Variants in SYNDIG1 observed in about 807,000 individuals in gnomAD.
SYNDIG1 encodes synapse differentiation inducing 1, also known as synapse differentiation-inducing gene protein 1.
In SYNDIG1, 9 loss-of-function variants were observed where a neutral mutation model predicts 19.4. That is an observed-to-expected ratio of 0.46 (90% CI 0.28 to 0.81). The LOEUF (loss-of-function observed/expected upper bound fraction) is 0.81. SYNDIG1 is among the 30% of genes least tolerant of loss of function. The pLI, the probability that SYNDIG1 is intolerant of heterozygous loss-of-function variation, is 0.12. For missense variants in SYNDIG1, 311 were observed against 343.3 expected, an observed-to-expected ratio of 0.91 and a Z score of 0.74; for synonymous variants, 141 against 145.9, an observed-to-expected ratio of 0.97 and a Z score of 0.24.
At chr20:24,526,368 G>A (rs1280415979) in intron 1 of SYNDIG1, among the ~76,000 whole-genome samples, 1 of 151,748 alleles carries the variant, frequency 6.6e-6, no homozygotes, top group African/African-American at 2.4e-5. Context: ...CTCTCCCCTG[G>A]TTTAGAATGA....
intron 3 of SYNDIG1, among the ~76,000 whole-genome samples, chr20:24,626,077 G>A: frequency 6.6e-6 from 1 of 151,766 alleles, no homozygotes; most frequent in East Asian, 2.0e-4. Flanking sequence ...CAGGGTGGCT[G>A]GCTGGGCAGA....
intron 3 of SYNDIG1, among the ~76,000 whole-genome samples, chr20:24,627,353 C>T (rs770561013): frequency 6.6e-6 from 1 of 152,176 alleles, no homozygotes; most frequent in Admixed American, 6.5e-5. Context: ...AACAGTGGTT[C>T]TCAGTCTTAT....
At chr20:24,573,334 G>T (rs1185034400) in intron 2 of SYNDIG1, among the ~76,000 whole-genome samples, 1 of 152,088 alleles carries the variant, frequency 6.6e-6, no homozygotes, top group East Asian at 1.9e-4. Flanking sequence ...GTTCAGGCAG[G>T]GAGAAGTGGT....
At chr20:24,566,956 C>T (rs770757754) in intron 2 of SYNDIG1, among the ~76,000 whole-genome samples, 4 of 152,278 alleles carry the variant, frequency 2.6e-5, no homozygotes, top group South Asian at 2.1e-4. Context: ...AGAGGAGGCA[C>T]GAGACTGACC....
Position 24,508,218 on chromosome 20 carries a change from A to ATTTTTTTTTTT in SYNDIG1, c.-78-34784_-78-34774dup, listed in dbSNP as rs34436263. 2.7e-4 allele frequency among the ~76,000 whole-genome samples: 20 copies of ATTTTTTTTTTT among 73,238 alleles called. 4 individuals are homozygous for ATTTTTTTTTTT. The highest frequency in any genetic ancestry group is 5.4e-4 in the African/African-American group (9 of 16,528). 48.0% of individuals were successfully genotyped at this position (73,238 alleles called of 152,430 possible). ...TGGAAAATTAAAATTAAGGAGGATA[A>ATTTTTTTTTTT]TTTTTTTTTTTTTTTTTTTTTTTTT... On this transcript the variant is annotated intron_variant, in intron 1 of 3. Transcript: ENST00000376862.
intron 1 of SYNDIG1, among the ~76,000 whole-genome samples, chr20:24,536,273 G>A (rs1036319529): frequency 6.6e-6 from 1 of 152,184 alleles, no homozygotes; most frequent in Non-Finnish European, 1.5e-5. Flanking sequence ...AATTACCGGG[G>A]AGCCACATTC....
intron 2 of SYNDIG1, among the ~76,000 whole-genome samples, chr20:24,580,274 G>A (rs1045643710): frequency 4.6e-5 from 7 of 152,100 alleles, no homozygotes; most frequent in Non-Finnish European, 8.8e-5. Context: ...GGCCAGCCTC[G>A]TCTCCTCTCC....
chr20:24,639,962 C>A (rs1392226431), intron 3 of SYNDIG1, among the ~76,000 whole-genome samples: 1 of 152,106 alleles, frequency 6.6e-6, no homozygotes, highest in Non-Finnish European at 1.5e-5. Context: ...AGATTGCCCC[C>A]CAAATTTTCA....
intron 3 of SYNDIG1, among the ~76,000 whole-genome samples, chr20:24,628,643 A>G (rs1343969932): frequency 1.3e-5 from 2 of 152,174 alleles, no homozygotes; most frequent in Admixed American, 6.5e-5. Flanking sequence ...TCCCCACCCA[A>G]TCAAAACACA....
At chr20:24,632,278 G>A (rs752853053) in intron 3 of SYNDIG1, among the ~76,000 whole-genome samples, 27 of 151,886 alleles carry the variant, frequency 1.8e-4, no homozygotes, top group Non-Finnish European at 2.1e-4. Flanking sequence ...AAACAGTCTC[G>A]CTCCAGGCTG....
intron 3 of SYNDIG1, among the ~76,000 whole-genome samples, chr20:24,622,952 C>G (rs2147242341): frequency 6.6e-6 from 1 of 151,922 alleles, no homozygotes; most frequent in South Asian, 2.1e-4. Flanking sequence ...AAATTGAAAC[C>G]AAAGAGAAAA....
In SYNDIG1 at chr20:24,500,491, T is replaced by TTTCC. The variant is rs1317093587; in HGVS notation, c.-79+30741_-79+30742insCTTC. Among the ~76,000 whole-genome samples the TTTCC allele has an allele frequency of 3.1e-4, 30 of 95,466 alleles. 1 individual carries two copies. Among genetic ancestry groups the TTTCC allele is most frequent in the South Asian group, 8.9e-4 (3 of 3,386 alleles). 62.6% of individuals were successfully genotyped at this position (95,466 alleles called of 152,430 possible). On this transcript the variant is annotated intron_variant, in intron 1 of 3. Transcript: ENST00000376862. ...GCAGATTCTTTTCTTTCTTTCTTTC[T>TTTCC]TTCTTTCTTTCTTTCTTTCTTTCTT...
At chr20:24,505,759 A>G (rs889818473) in intron 1 of SYNDIG1, among the ~76,000 whole-genome samples, 2 of 152,246 alleles carry the variant, frequency 1.3e-5, no homozygotes, top group African/African-American at 2.4e-5. Flanking sequence ...TTAGAAGATC[A>G]GAAATCCGAA....
chr20:24,557,698 G>T (rs1048412118), intron 2 of SYNDIG1, among the ~76,000 whole-genome samples: 2 of 152,160 alleles, frequency 1.3e-5, no homozygotes, highest in Non-Finnish European at 2.9e-5. Context: ...GGCCATGTGA[G>T]GTGTCAGTCT....
In SYNDIG1 at chr20:24,506,068, T is replaced by C. The variant is rs377125236; in HGVS notation, c.-79+36315T>C. Among the ~76,000 whole-genome samples the C allele has an allele frequency of 1.1e-4, 16 of 152,230 alleles. No homozygotes were observed. In the East Asian group the frequency reaches 1.9e-3, roughly 18 times the overall value. On this transcript the variant is annotated intron_variant, in intron 1 of 3. Transcript: ENST00000376862. Reference sequence around the variant, plus strand: ...GCCGACCCCAAGAGTATGACTTAGCTCCCACCAACTCTCAAGTCCTGGCCC... The same window carrying C: ...GCCGACCCCAAGAGTATGACTTAGCCCCCACCAACTCTCAAGTCCTGGCCC...
chr20:24,515,193 C>A (rs2056835290), intron 1 of SYNDIG1, among the ~76,000 whole-genome samples: 1 of 152,206 alleles, frequency 6.6e-6, no homozygotes, highest in East Asian at 1.9e-4. Flanking sequence ...AAAATTGACA[C>A]CCTAACATCA....
At chr20:24,636,978 C>T (rs1267414476) in intron 3 of SYNDIG1, among the ~76,000 whole-genome samples, 1 of 152,250 alleles carries the variant, frequency 6.6e-6, no homozygotes, top group African/African-American at 2.4e-5. Flanking sequence ...GCCTTGCATA[C>T]CATCCAAGAG....
At chr20:24,663,988 G>T (rs1174143155) in intron 3 of SYNDIG1, among the ~76,000 whole-genome samples, 3 of 152,106 alleles carry the variant, frequency 2.0e-5, no homozygotes, top group Non-Finnish European at 4.4e-5. Flanking sequence ...TTCATTCATT[G>T]TCCTAGGAGG....
intron 3 of SYNDIG1, among the ~76,000 whole-genome samples, chr20:24,648,814 C>T (rs772917199): frequency 3.3e-5 from 5 of 152,250 alleles, no homozygotes; most frequent in African/African-American, 4.8e-5. Context: ...CATTGGGATG[C>T]TAACAGCTGG....
Sources: allele counts gnomAD v4.1 joint callset (sites outside exome capture counted in the v4.1 genomes callset), GRCh38; gene constraint gnomAD v4.1.1; transcripts MANE v1.5; gene names NCBI Gene and HGNC (gene_info 2026-07-23, HGNC 2026-07-21).